Variants in KCNMA1 observed in about 807,000 individuals in gnomAD.
The protein encoded by KCNMA1 is potassium calcium-activated channel subfamily M alpha 1.
Under a neutral mutation model 140.0 loss-of-function variants are expected in KCNMA1, and 29 were observed. The observed-to-expected ratio is 0.21, with a 90% CI of 0.15 to 0.28. The LOEUF is 0.28. KCNMA1 is among the 10% of genes least tolerant of loss of function. The pLI is 1.00. For synonymous variants in KCNMA1, 612 were observed against 611.9 expected, an observed-to-expected ratio of 1.00 and a Z score of 0.00; for missense variants, 880 against 1,602.2, an observed-to-expected ratio of 0.55 and a Z score of 7.70.
At chr10:77,024,845 A>C (rs1441306855) in intron 16 of KCNMA1, among the ~76,000 whole-genome samples, 1 of 152,134 alleles carries the variant, frequency 6.6e-6, no homozygotes, top group East Asian at 1.9e-4. Context: ...AAATAAATGT[A>C]AGGAAAAATA....
intron 2 of KCNMA1, among the ~76,000 whole-genome samples, chr10:77,268,395 GT>G (rs1272586560): frequency 3.3e-5 from 5 of 152,176 alleles, no homozygotes; most frequent in Non-Finnish European, 7.3e-5. Context: ...AGAGAAGCCA[GT>G]AGCATTTCCA....
In KCNMA1 at chr10:76,954,327, C is replaced by T. The variant is rs938523729; in HGVS notation, c.2361-403G>A. Among the ~76,000 whole-genome samples the T allele has an allele frequency of 1.1e-4, 16 of 151,950 alleles. No homozygotes were observed. In the South Asian group the frequency reaches 2.1e-3, roughly 20 times the overall value. On this transcript the variant is annotated intron_variant, in intron 20 of 27. Coordinates refer to ENST00000286628, the MANE Select transcript of KCNMA1 (RefSeq NM_001161352.2). ...CACAGACAGACACACCAAAGGGTTG[C>T]TATGAGCCTCGGCAATGAAGAGGAA...
chr10:77,471,764 C>T (rs570830956), intron 1 of KCNMA1, among the ~76,000 whole-genome samples: 21 of 151,402 alleles, frequency 1.4e-4, no homozygotes, highest in Middle Eastern at 3.4e-3. Context: ...ACACCATCCA[C>T]GTACATACCA....
At chr10:77,301,293 C>T (rs981890377) in intron 2 of KCNMA1, among the ~76,000 whole-genome samples, 2 of 152,190 alleles carry the variant, frequency 1.3e-5, no homozygotes, top group African/African-American at 4.8e-5. Flanking sequence ...AGCTCAGATA[C>T]CTGGAATTTA....
intron 14 of KCNMA1, among the ~76,000 whole-genome samples, chr10:77,043,006 A>G (rs943987158): frequency 6.6e-6 from 1 of 152,240 alleles, no homozygotes; most frequent in Non-Finnish European, 1.5e-5. Flanking sequence ...GACCACATAT[A>G]TCTGACTTTT....
intron 3 of KCNMA1, among the ~76,000 whole-genome samples, chr10:77,213,022 T>C (rs907612749): frequency 1.3e-5 from 2 of 152,240 alleles, no homozygotes; most frequent in African/African-American, 2.4e-5. Flanking sequence ...GGATTTTTTT[T>C]TTAAGTAATT....
chr10:77,454,002 C>T (rs1174459855), intron 1 of KCNMA1, among the ~76,000 whole-genome samples: 1 of 152,086 alleles, frequency 6.6e-6, no homozygotes, highest in Non-Finnish European at 1.5e-5. Context: ...CTGGTTCCAC[C>T]TAATAAAGCT....
rs751922541 is a variant in KCNMA1, at chr10:77,183,375, C to G, written c.808+46G>C. The G allele has an allele frequency of 3.1e-5, 41 of 1,306,260 alleles. No homozygotes were observed. In the South Asian group the frequency reaches 4.2e-4, roughly 14 times the overall value. The allele number at this position is 1,306,260 out of a possible 1,614,324, so 80.9% of individuals were successfully genotyped here. A position where few individuals can be genotyped will look rare whatever the true frequency, so the allele number is the denominator to read the frequency against. On this transcript the variant is annotated intron_variant, in intron 5 of 27. Transcript: ENST00000286628. The stretch of plus-strand genomic sequence containing the variant: ...TCCACTGCAAATTCTGTCCTTCAGC[C>G]ATGACTCAGGAACCAGGAAGGAGAA...
intron 15 of KCNMA1, among the ~76,000 whole-genome samples, chr10:77,029,339 AG>A (rs1318504975): frequency 1.3e-5 from 2 of 152,210 alleles, no homozygotes; most frequent in South Asian, 2.1e-4. Context: ...AGTGTGGGGA[AG>A]GCTTCCTTGT....
intron 1 of KCNMA1, among the ~76,000 whole-genome samples, chr10:77,466,269 T>C (rs1045949061): frequency 1.8e-4 from 28 of 152,196 alleles, no homozygotes; most frequent in African/African-American, 5.5e-4. Context: ...GTAACTGATA[T>C]CACTGTGGTC....
chr10:77,468,176 T>G (rs1026130188), intron 1 of KCNMA1, among the ~76,000 whole-genome samples: 1 of 152,038 alleles, frequency 6.6e-6, no homozygotes, highest in African/African-American at 2.4e-5. Context: ...CCTGGCTAAT[T>G]TTTGTATTTT....
chr10:77,446,012 G>A (rs916459113), intron 1 of KCNMA1, among the ~76,000 whole-genome samples: 1 of 152,164 alleles, frequency 6.6e-6, no homozygotes, highest in Non-Finnish European at 1.5e-5. Context: ...GGGTGAGTGG[G>A]AAAGCTTAGA....
intron 2 of KCNMA1, among the ~76,000 whole-genome samples, chr10:77,290,132 C>T (rs750093454): frequency 6.6e-6 from 1 of 152,074 alleles, no homozygotes; most frequent in African/African-American, 2.4e-5. Flanking sequence ...ACCTACACAC[C>T]AAATTTTTTT....
intron 16 of KCNMA1, among the ~76,000 whole-genome samples, chr10:77,022,625 T>C (rs2092988842): frequency 6.6e-6 from 1 of 152,240 alleles, no homozygotes; most frequent in South Asian, 2.1e-4. Flanking sequence ...CACATTCTAT[T>C]TACCTTTGAG....
intron 3 of KCNMA1, among the ~76,000 whole-genome samples, chr10:77,231,569 T>C (rs1185480577): frequency 6.6e-6 from 1 of 152,212 alleles, no homozygotes; most frequent in Non-Finnish European, 1.5e-5. Flanking sequence ...TCAGCTTTTC[T>C]AGGAGGAAAA....
chr10:77,255,323 G>A (rs948282326), intron 2 of KCNMA1, among the ~76,000 whole-genome samples: 40 of 152,268 alleles, frequency 2.6e-4, no homozygotes, highest in African/African-American at 8.7e-4. Flanking sequence ...TTAAGGGCAG[G>A]GTGCAGTGGC....
chr10:77,505,340 C>T (rs1033036977), intron 1 of KCNMA1, among the ~76,000 whole-genome samples: 4 of 152,174 alleles, frequency 2.6e-5, no homozygotes, highest in Admixed American at 2.0e-4. Flanking sequence ...GAATATTTGC[C>T]CTGTGCAAGG....
At chr10:77,462,100 A>T (rs192518627) in intron 1 of KCNMA1, among the ~76,000 whole-genome samples, 122 of 152,056 alleles carry the variant, frequency 8.0e-4, no homozygotes, top group African/African-American at 2.9e-3. Context: ...ACGGACACAC[A>T]CAGAAACATG....
chr10:77,295,221 C>T (rs2154318762), intron 2 of KCNMA1, among the ~76,000 whole-genome samples: 1 of 151,850 alleles, frequency 6.6e-6, no homozygotes, highest in East Asian at 2.0e-4. Context: ...GTGGTGCATG[C>T]CTATAATCCC....
Sources: gnomAD v4.1 joint callset for allele counts (sites outside exome capture counted in the v4.1 genomes callset) on GRCh38, gnomAD v4.1.1 for gene constraint, MANE v1.5 for transcripts, NCBI Gene and HGNC (gene_info 2026-07-23, HGNC 2026-07-21) for gene names.